The following MTAP variants were observed in gnomAD, a reference collection of about 807,000 sequenced individuals.
The protein encoded by MTAP is methylthioadenosine phosphorylase.
MTAP carries 33 observed loss-of-function variants against 33.6 expected under a neutral mutation model. That is an observed-to-expected ratio of 0.98 (90% CI 0.74 to 1.31). MTAP has a LOEUF of 1.31. Ranked by LOEUF, MTAP falls within the 40% of genes most tolerant of loss-of-function variation. MTAP has a pLI of 0.00. For synonymous variants in MTAP, 148 were observed against 125.7 expected, an observed-to-expected ratio of 1.18 and a Z score of -1.19; for missense variants, 367 against 360.0, an observed-to-expected ratio of 1.02 and a Z score of -0.16.
At chr9:21,811,034 T>C (rs776998506) in intron 1 of MTAP, among the ~76,000 whole-genome samples, 3 of 152,188 alleles carry the variant, frequency 2.0e-5, no homozygotes, top group Non-Finnish European at 1.5e-5. Flanking sequence ...AAAATTGTTA[T>C]GGCAACCAGA....
intron 7 of MTAP, chr9:21,861,711 A>G (rs987325257): frequency 4.2e-6 from 2 of 479,234 alleles, no homozygotes; most frequent in East Asian, 3.7e-5. Context: ...TGGTATGGCA[A>G]TAAGTGATTA....
At chr9:21,836,979 G>C (rs888849060) in intron 4 of MTAP, among the ~76,000 whole-genome samples, 29 of 152,136 alleles carry the variant, frequency 1.9e-4, no homozygotes, top group East Asian at 3.9e-4. Context: ...GGCTTCCCTT[G>C]ACCCATCTCT....
chr9:21,895,821 C>A (rs558939406), intron 1 of MTAP, among the ~76,000 whole-genome samples: 17 of 152,316 alleles, frequency 1.1e-4, no homozygotes, highest in Non-Finnish European at 2.1e-4. Context: ...GAAGCTCCAA[C>A]TGGGTGGAGC....
intron 1 of MTAP, chr9:21,892,942 A>G (rs1563861578): frequency 1.3e-5 from 2 of 152,264 alleles, no homozygotes; most frequent in Non-Finnish European, 2.9e-5. Context: ...CCACAGTGCA[A>G]TGAAAATAGA....
chr9:21,895,475 G>A (rs773959370), intron 1 of MTAP, among the ~76,000 whole-genome samples: 3 of 152,318 alleles, frequency 2.0e-5, no homozygotes, highest in Admixed American at 2.0e-4. Flanking sequence ...ACTGGGGCTT[G>A]TCAGACAGTG....
intron 1 of MTAP, chr9:21,930,162 C>T (rs574453700): frequency 2.7e-6 from 1 of 372,332 alleles, no homozygotes; most frequent in African/African-American, 2.1e-5. Context: ...ACTCAAAATT[C>T]TCTTTTTTTG....
At chr9:21,814,043 C>T (rs933167921) in intron 1 of MTAP, among the ~76,000 whole-genome samples, 1 of 152,164 alleles carries the variant, frequency 6.6e-6, no homozygotes, top group Non-Finnish European at 1.5e-5. Flanking sequence ...TATACCTCCA[C>T]AAGATGGCGC....
At chr9:21,856,173 A>G (rs987748569) in intron 6 of MTAP, 1 of 985,266 alleles carries the variant, frequency 1.0e-6, no homozygotes, top group Admixed American at 6.1e-5. Flanking sequence ...AACTGCAGTC[A>G]CTTTTGAAGT....
At chr9:21,919,921 CA>C (rs1304350801) in intron 1 of MTAP, among the ~76,000 whole-genome samples, 1 of 152,084 alleles carries the variant, frequency 6.6e-6, no homozygotes, top group Admixed American at 6.6e-5. Context: ...GAGGCTGAAG[CA>C]AATCTGACTG....
downstream of MTAP, chr9:21,933,365 AAAG>A (rs1181699559): frequency 1.1e-4 from 17 of 152,222 alleles, no homozygotes; most frequent in African/African-American, 3.6e-4. Context: ...ATCAGGAAGA[AAAG>A]AAGGACTAAA....
intron 1 of MTAP, among the ~76,000 whole-genome samples, chr9:21,900,716 C>G (rs190024054): frequency 6.6e-5 from 10 of 152,318 alleles, no homozygotes; most frequent in Non-Finnish European, 1.0e-4. Context: ...CTCATGCATG[C>G]TTATGTTCAT....
rs185500708 is a variant in MTAP, at chr9:21,923,432, T to A, written c.148-7576T>A. On this transcript the variant is annotated intron_variant, in intron 1 of 1. Coordinates refer to the MTAP transcript ENST00000577563. ...TCTTCCTTTGCCATTTGTGGGCTCT[T>A]ATCCCAAGCTCCGAGTTCTCCAAAG... is the stretch of plus-strand genomic sequence containing the variant. Among the ~76,000 whole-genome samples, 15 of 152,332 alleles carry A rather than the reference T, an allele frequency of 9.8e-5. No homozygotes were observed. The East Asian group carries it at 2.9e-3, about 29-fold the overall frequency.
At chr9:21,899,943 T>G (rs149421328) in intron 1 of MTAP, among the ~76,000 whole-genome samples, 1 of 152,238 alleles carries the variant, frequency 6.6e-6, no homozygotes, top group African/African-American at 2.4e-5. Flanking sequence ...GACTCCCTAT[T>G]CAATAAATGG....
intron 5 of MTAP, 29 bp downstream of exon 5, chr9:21,838,039 G>C (rs745803252): frequency 1.3e-6 from 2 of 1,590,600 alleles, no homozygotes; most frequent in South Asian, 1.1e-5. Flanking sequence ...AGGTGTACCA[G>C]AATAAATCAT....
chr9:21,850,285 G>A (rs1432234183), intron 5 of MTAP, among the ~76,000 whole-genome samples: 5 of 152,216 alleles, frequency 3.3e-5, no homozygotes, highest in Non-Finnish European at 5.9e-5. Context: ...CTTCTAAGGT[G>A]AAGGATAAGT....
At position 21,922,005 on chromosome 9, in the gene MTAP, AAAT is replaced by A. The variant is rs369844628; in HGVS notation, c.148-8996_148-8994del. On this transcript the variant is annotated intron_variant, in intron 1 of 1. Transcript: ENST00000577563. The surrounding 1 kb of genome is among the most constrained non-coding windows in gnomAD (Gnocchi z 4.8). ...AGGTAGTTGTTAAGCAGTCTTTTTA[AAAT>A]AATAATTGGTTGCAGTCAGTGCCAG... 2.8e-3 allele frequency among the ~76,000 whole-genome samples: 419 copies of A among 152,162 alleles called. No individual in the cohort carries two copies. The highest frequency in any genetic ancestry group is 4.2e-3 in the Non-Finnish European group (286 of 67,998).
intron 1 of MTAP, among the ~76,000 whole-genome samples, chr9:21,914,452 TA>T (rs1431119899): frequency 4.0e-5 from 6 of 151,866 alleles, no homozygotes; most frequent in East Asian, 1.9e-4. Flanking sequence ...TATGCAGCCA[TA>T]AAAAAGGATG....
chr9:21,827,438 T>C (rs1467457714), intron 4 of MTAP, among the ~76,000 whole-genome samples: 1 of 152,242 alleles, frequency 6.6e-6, no homozygotes, highest in African/African-American at 2.4e-5. Flanking sequence ...TTCTTGGTTG[T>C]TTCCTGATGG....
intron 4 of MTAP, among the ~76,000 whole-genome samples, chr9:21,826,967 C>G (rs1188360853): frequency 6.6e-6 from 1 of 152,108 alleles, no homozygotes; most frequent in Non-Finnish European, 1.5e-5. Flanking sequence ...TTGTGCACTC[C>G]TTATGAAAAT....
Sources: allele counts gnomAD v4.1 joint callset (sites outside exome capture counted in the v4.1 genomes callset), GRCh38; gene constraint gnomAD v4.1.1; non-coding constraint Gnocchi (gnomAD v3.1); transcripts MANE v1.5; gene names NCBI Gene and HGNC (gene_info 2026-07-23, HGNC 2026-07-21).